MSANTD2: variants seen among roughly 807,000 people sequenced by gnomAD.
MSANTD2 encodes the protein Myb/SANT DNA binding domain containing 2.
MSANTD2 carries 19 observed loss-of-function variants against 52.6 expected under a neutral mutation model. That is an observed-to-expected ratio of 0.36 (90% CI 0.25 to 0.53). The LOEUF is 0.53. MSANTD2 is among the 20% of genes least tolerant of loss of function. The probability of loss-of-function intolerance (pLI) is 0.91; values close to 1 mark genes in which losing one functional copy is unlikely to be tolerated. For synonymous variants in MSANTD2, 291 were observed against 289.7 expected, an observed-to-expected ratio of 1.00 and a Z score of -0.04; for missense variants, 558 against 716.3, an observed-to-expected ratio of 0.78 and a Z score of 2.52.
chr11:124,795,430 G>T (rs1472403439), intron 1 of MSANTD2, among the ~76,000 whole-genome samples: 1 of 152,208 alleles, frequency 6.6e-6, no homozygotes, highest in Non-Finnish European at 1.5e-5. Flanking sequence ...ATCTGGCTCA[G>T]AGTGAATGCT....
At position 124,774,874 on chromosome 11, in the gene MSANTD2, C is replaced by G; in HGVS notation, c.611G>C (p.Gly204Ala). Residue 204 changes from glycine to alanine, a missense_variant, in exon 2 of 4, where the codon GGA (glycine) becomes GCA (alanine). Gly to Ala is a moderately conservative substitution (Grantham distance 60). This residue lies in a region of MSANTD2 where 408 missense variants were observed against 573.6 expected (regional missense o/e 0.71). Coordinates refer to ENST00000374979, the MANE Select transcript of MSANTD2 (RefSeq NM_001308027.2). This position sits in a 1 kb window ranked among gnomAD's most constrained non-coding sequence, Gnocchi z 5.1. ...EQLEQVFGQG[G>A]WDAQPCQPVL... The stretch of plus-strand genomic sequence containing the variant: ...AGGCTGGCAGGGCTGAGCATCCCAT[C>G]CTCCCTGACCAAACACCTGTTCCAA... 1 of 1,613,526 alleles carries G rather than the reference C, an allele frequency of 6.2e-7. No homozygotes were observed. The highest frequency in any genetic ancestry group is 2.2e-5 in the East Asian group (1 of 44,884).
chr11:124,769,696 T>C (rs930479046), intron 3 of MSANTD2, among the ~76,000 whole-genome samples: 1 of 152,200 alleles, frequency 6.6e-6, no homozygotes, highest in Non-Finnish European at 1.5e-5. Context: ...ATGAGCAGAC[T>C]AGGGGATTAG....
chr11:124,774,029 C>A lies in MSANTD2; in HGVS notation c.766+690G>T, dbSNP rs1004270783. ...ACAATCCCACAACTACATATATACTCTTAGTTAGGCCCTACAAGTTTAGAT... is the reference window on the plus strand; with the variant it reads ...ACAATCCCACAACTACATATATACTATTAGTTAGGCCCTACAAGTTTAGAT... On this transcript the variant is annotated intron_variant, in intron 2 of 3. Transcript: ENST00000374979. The surrounding 1 kb of genome is among the most constrained non-coding windows in gnomAD (Gnocchi z 5.1). 1.3e-5 allele frequency among the ~76,000 whole-genome samples: 2 copies of A among 152,194 alleles called. No homozygotes were observed. The highest frequency in any genetic ancestry group is 1.5e-5 in the Non-Finnish European group (1 of 68,030).
intron 1 of MSANTD2, among the ~76,000 whole-genome samples, chr11:124,782,757 A>G (rs1265951376): frequency 6.6e-6 from 1 of 152,220 alleles, no homozygotes; most frequent in African/African-American, 2.4e-5. Context: ...ATATATATTT[A>G]TTCAATACAT....
chr11:124,782,347 G>C (rs1318755577), intron 1 of MSANTD2, among the ~76,000 whole-genome samples: 2 of 152,094 alleles, frequency 1.3e-5, no homozygotes, highest in African/African-American at 2.4e-5. Flanking sequence ...AGCTACTGGG[G>C]AGGCTGAGGC....
rs1164083225 is a variant in MSANTD2 at position 124,786,095 on chromosome 11, C to G, written c.511-11121G>C. Among the ~76,000 whole-genome samples the G allele has an allele frequency of 4.4e-5, 5 of 114,408 alleles. No individual in the cohort carries two copies. In the Admixed American group the frequency reaches 4.7e-4, roughly 11 times the overall value. The allele number at this position is 114,408 out of a possible 152,430, so 75.1% of individuals were successfully genotyped here. On this transcript the variant is annotated intron_variant, in intron 1 of 3. Coordinates refer to ENST00000374979, the MANE Select transcript of MSANTD2 (RefSeq NM_001308027.2). ...TGCTATTTGCCCTGCATCATTTCTT[C>G]TTTTTTTTTTTTTTTTTTTTTTAGT...
In MSANTD2 at chr11:124,767,372, G is replaced by T; in HGVS notation, c.1484C>A (p.Ala495Glu). Residue 495 changes from alanine (A) to glutamate (E), a missense_variant, in exon 4 of 4, where the codon GCG becomes GAG. By Grantham distance (107) the Ala-to-Glu change is moderately radical (BLOSUM62 -1). Transcript: ENST00000374979. This position sits in a 1 kb window ranked among gnomAD's most constrained non-coding sequence, Gnocchi z 6.5. ...LQQCLFLHFQ[A>E]NTKTFSKDWV... ...ATCTTTGCTGAAGGTTTTGGTATTC[G>T]CTTGGAAATGTAAAAATAAGCACTG... The T allele has an allele frequency of 6.2e-7, 1 of 1,614,160 alleles. No homozygotes were observed. The highest frequency in any genetic ancestry group is 8.5e-7 in the Non-Finnish European group (1 of 1,180,004).
chr11:124,791,802 C>T (rs11825816), intron 1 of MSANTD2: 8,958 of 548,008 alleles, frequency 0.016, 590 homozygotes, highest in African/African-American at 0.14. Context: ...AAAGATCCCC[C>T]GCCAGGGGCA....
chr11:124,787,371 G>A (rs546997052), intron 1 of MSANTD2, among the ~76,000 whole-genome samples: 12 of 152,266 alleles, frequency 7.9e-5, no homozygotes, highest in African/African-American at 2.9e-4. Context: ...TTAAACGAAT[G>A]CCAACTTGAC....
chr11:124,800,042 G>A lies in MSANTD2; in HGVS notation c.339C>T (p.Ile113=), dbSNP rs1348586296. Residue 113 remains isoleucine, a synonymous_variant, in exon 1 of 4, where the codon ATC becomes ATT. Transcript: ENST00000374979. This position sits in a 1 kb window ranked among gnomAD's most constrained non-coding sequence, Gnocchi z 4.3. ...CCAGCCGCTCGTTGCCCCACACTGC[G>A]ATGAGCGCGTTCGTCTCGGCTGGCG... ...SWTPAETNAL[I]AVWGNERLVE... is the part of the protein sequence containing the mutation. The A allele has an allele frequency of 6.4e-7, 1 of 1,572,218 alleles. No homozygotes were observed. The highest frequency in any genetic ancestry group is 1.1e-5 in the South Asian group (1 of 87,702).
chr11:124,800,131 G>C lies in MSANTD2; in HGVS notation c.250C>G (p.Pro84Ala). 1 of 1,484,634 alleles carries C rather than the reference G, an allele frequency of 6.7e-7. No individual in the cohort carries two copies. The highest frequency in any genetic ancestry group is 1.3e-5 in the South Asian group (1 of 78,338). The allele number at this position is 1,484,634 out of a possible 1,614,324, so 92.0% of individuals were successfully genotyped here. Reference sequence around the variant, plus strand: ...GCAGCCCCGCCACCGCCGCCACCAGGGGAGAAGGAGACCGAGGACGAGGCG... The same window carrying C: ...GCAGCCCCGCCACCGCCGCCACCAGCGGAGAAGGAGACCGAGGACGAGGCG... Reference protein sequence around the residue: ...SAASSSVSFSPGGGGGGAAAA... With the variant: ...SAASSSVSFSAGGGGGGAAAA... The change falls in exon 1 of 4, where the codon CCT (proline) becomes GCT (alanine). Residue 84 changes from proline (P) to alanine (A), a missense_variant. This residue lies in a region of MSANTD2 where 150 missense variants were observed against 142.7 expected (regional missense o/e 1.05). Transcript: ENST00000374979. This position sits in a 1 kb window ranked among gnomAD's most constrained non-coding sequence, Gnocchi z 4.3.
chr11:124,772,726 G>C (rs535740023), intron 3 of MSANTD2, among the ~76,000 whole-genome samples: 1 of 121,800 alleles, frequency 8.2e-6, no homozygotes, highest in Non-Finnish European at 1.6e-5. Context: ...GACAGAGCGA[G>C]AGCGAGATTC....
At position 124,774,266 on chromosome 11, in the gene MSANTD2, A is replaced by G. The variant is rs918153455; in HGVS notation, c.766+453T>C. 1.3e-5 allele frequency among the ~76,000 whole-genome samples: 2 copies of G among 152,226 alleles called. No homozygotes were observed. Among genetic ancestry groups the G allele is most frequent in the African/African-American group, 4.8e-5 (2 of 41,452 alleles). Reference sequence around the variant, plus strand: ...ACCTTTTCCAAATCATAAACAGAAAAGAAAAATGTATTTGGGATAAAAGAA... The same window carrying G: ...ACCTTTTCCAAATCATAAACAGAAAGGAAAAATGTATTTGGGATAAAAGAA... On this transcript the variant is annotated intron_variant, in intron 2 of 3. Coordinates refer to ENST00000374979, the MANE Select transcript of MSANTD2 (RefSeq NM_001308027.2). The surrounding 1 kb of genome is among the most constrained non-coding windows in gnomAD (Gnocchi z 5.1).
At chr11:124,776,724 G>A (rs1234700503) in intron 1 of MSANTD2, among the ~76,000 whole-genome samples, 1 of 152,222 alleles carries the variant, frequency 6.6e-6, no homozygotes, top group Admixed American at 6.5e-5. Context: ...CGACATGTGT[G>A]ATGATCTTCC....
chr11:124,784,533 T>C, intron 1 of MSANTD2: 1 of 980,290 alleles, frequency 1.0e-6, no homozygotes, highest in Non-Finnish European at 1.2e-6. Context: ...CATTACAACA[T>C]CGTATTGCTT....
chr11:124,794,612 G>A (rs987814712), intron 1 of MSANTD2, among the ~76,000 whole-genome samples: 16 of 152,212 alleles, frequency 1.1e-4, no homozygotes, highest in African/African-American at 3.9e-4. Flanking sequence ...GAAGTCCTCA[G>A]AGATGGGCAG....
intron 1 of MSANTD2, among the ~76,000 whole-genome samples, chr11:124,788,310 G>A (rs1945226433): frequency 6.6e-6 from 1 of 152,072 alleles, no homozygotes; most frequent in Non-Finnish European, 1.5e-5. Context: ...ACCCACATAT[G>A]CTCTTGGAGT....
intron 1 of MSANTD2, among the ~76,000 whole-genome samples, chr11:124,780,645 A>C (rs1944925953): frequency 6.6e-6 from 1 of 152,202 alleles, no homozygotes; most frequent in Non-Finnish European, 1.5e-5. Context: ...TCGTTAAAAA[A>C]TTCTGCTCTG....
At chr11:124,778,967 G>A (rs1944849903) in intron 1 of MSANTD2, 1 of 152,126 alleles carries the variant, frequency 6.6e-6, no homozygotes, top group African/African-American at 2.4e-5. Context: ...TACAGTACAC[G>A]TAACATTAAA....
Sources: allele counts gnomAD v4.1 joint callset (sites outside exome capture counted in the v4.1 genomes callset), GRCh38; gene constraint gnomAD v4.1.1; regional missense constraint gnomAD v4.1.1; non-coding constraint Gnocchi (gnomAD v3.1); transcripts MANE v1.5; gene names NCBI Gene and HGNC (gene_info 2026-07-23, HGNC 2026-07-21).